The following ZNF407 variants were observed in gnomAD, a reference collection of about 807,000 sequenced individuals.
ZNF407 encodes the protein zinc finger protein 407.
ZNF407 carries 17 observed loss-of-function variants against 131.2 expected under a neutral mutation model. The observed-to-expected ratio is 0.13, with a 90% CI of 0.09 to 0.19. ZNF407 has a LOEUF of 0.19. ZNF407 is among the 10% of genes least tolerant of loss of function. ZNF407 has a pLI of 1.00. For missense variants in ZNF407, 2,681 were observed against 2,830.6 expected (o/e 0.95, Z 1.20); for synonymous variants, 1,156 against 1,062.0 (o/e 1.09, Z -1.72).
chr18:74,598,460 C>T (rs970271845), intron 1 of ZNF407: 1 of 152,354 alleles, frequency 6.6e-6, no homozygotes, highest in Admixed American at 6.5e-5. Context: ...AGATGCTCCC[C>T]TAGCTGCACA....
chr18:74,698,421 G>A (rs1164610873), intron 3 of ZNF407, among the ~76,000 whole-genome samples: 1 of 152,188 alleles, frequency 6.6e-6, no homozygotes, highest in East Asian at 1.9e-4. Context: ...TGAGCTGGTT[G>A]TATGTATAAT....
intron 4 of ZNF407, among the ~76,000 whole-genome samples, chr18:74,799,133 C>T (rs1297021535): frequency 6.6e-6 from 1 of 152,008 alleles, no homozygotes; most frequent in Non-Finnish European, 1.5e-5. Flanking sequence ...TTTAGGTTGA[C>T]TAATATTGTA....
In ZNF407 at chr18:74,644,644, A is replaced by G. The variant is rs117393331; in HGVS notation, c.4802+3522A>G. On this transcript the variant is annotated intron_variant, in intron 3 of 8. Coordinates refer to ENST00000299687, the MANE Select transcript of ZNF407 (RefSeq NM_017757.3). The stretch of plus-strand genomic sequence containing the variant: ...GTGGTCTAATAAATAGCCTTGATTA[A>G]CTTTTATCTCACTTGTTGATTTCCA... Among the ~76,000 whole-genome samples, 206 of 152,006 alleles carry G rather than the reference A, an allele frequency of 1.4e-3. 7 individuals carry two copies. In the East Asian group the frequency reaches 0.036, roughly 26 times the overall value.
chr18:74,869,409 A>AG (rs1232413994), intron 4 of ZNF407, among the ~76,000 whole-genome samples: 1 of 152,204 alleles, frequency 6.6e-6, no homozygotes, highest in Non-Finnish European at 1.5e-5. Flanking sequence ...TACAGTTGAA[A>AG]GGGGGTAGTT....
intron 3 of ZNF407, among the ~76,000 whole-genome samples, chr18:74,688,887 G>T (rs996707791): frequency 3.3e-5 from 5 of 152,026 alleles, no homozygotes; most frequent in Admixed American, 2.6e-4. Flanking sequence ...AGAGTGCAGT[G>T]GCGCAATCTT....
chr18:74,972,922 A>G (rs540973093), intron 8 of ZNF407, among the ~76,000 whole-genome samples: 79 of 152,320 alleles, frequency 5.2e-4, no homozygotes, highest in African/African-American at 1.8e-3. Context: ...TTAAGTTGGT[A>G]TGTTTAACCA....
intron 3 of ZNF407, among the ~76,000 whole-genome samples, chr18:74,757,272 T>C (rs185559938): frequency 1.3e-5 from 2 of 152,144 alleles, no homozygotes; most frequent in Non-Finnish European, 2.9e-5. Context: ...CTTTTTTTAA[T>C]ATACAGATGT....
chr18:74,686,021 G>A (rs2144787395), intron 3 of ZNF407, among the ~76,000 whole-genome samples: 1 of 152,330 alleles, frequency 6.6e-6, no homozygotes, highest in Admixed American at 6.5e-5. Flanking sequence ...CGCTTAATAA[G>A]TAAAAAATCA....
chr18:74,601,659 G>C (rs966763799), intron 1 of ZNF407, among the ~76,000 whole-genome samples: 3 of 152,062 alleles, frequency 2.0e-5, no homozygotes, highest in Non-Finnish European at 2.9e-5. Context: ...GAGCAGGAGC[G>C]AGAGAGTGGG....
chr18:74,992,693 A>G (rs1487629727), intron 8 of ZNF407, among the ~76,000 whole-genome samples: 3 of 152,320 alleles, frequency 2.0e-5, no homozygotes, highest in East Asian at 1.9e-4. Flanking sequence ...TTTATTTGCA[A>G]TAAGGCAAGT....
At chr18:74,943,077 A>G (rs1001736173) in intron 8 of ZNF407, among the ~76,000 whole-genome samples, 1 of 151,774 alleles carries the variant, frequency 6.6e-6, no homozygotes, top group African/African-American at 2.4e-5. Flanking sequence ...CACCATGCCT[A>G]GCTGATTTTT....
intron 3 of ZNF407, among the ~76,000 whole-genome samples, chr18:74,748,973 G>A (rs1443756096): frequency 1.3e-5 from 2 of 152,108 alleles, no homozygotes; most frequent in East Asian, 3.9e-4. Context: ...ACCATAAAAA[G>A]TTCATCAAAG....
chr18:74,913,268 C>T lies in ZNF407; in HGVS notation c.5250-7246C>T, dbSNP rs564871259. On this transcript the variant is annotated intron_variant, in intron 7 of 8. Coordinates refer to ENST00000299687, the MANE Select transcript of ZNF407 (RefSeq NM_017757.3). ...CATTCTACAGGATTATTCACTGGAA[C>T]CTTGTTTATACTAGCAAATGATTGG... 3.3e-4 allele frequency among the ~76,000 whole-genome samples: 50 copies of T among 152,300 alleles called. No individual in the cohort carries two copies. The South Asian group carries it at 9.3e-3, about 28-fold the overall frequency.
At chr18:74,858,386 G>A (rs899196948) in intron 4 of ZNF407, among the ~76,000 whole-genome samples, 1 of 152,080 alleles carries the variant, frequency 6.6e-6, no homozygotes, top group Non-Finnish European at 1.5e-5. Context: ...AGATTCAGCT[G>A]ATTGTATTTA....
chr18:74,823,068 T>A (rs545925288), intron 4 of ZNF407, among the ~76,000 whole-genome samples: 1 of 152,170 alleles, frequency 6.6e-6, no homozygotes, highest in South Asian at 2.1e-4. Context: ...GCTCTCCATT[T>A]GTCTGTTGTT....
intron 3 of ZNF407, among the ~76,000 whole-genome samples, chr18:74,772,332 C>T (rs1385185140): frequency 6.6e-6 from 1 of 152,060 alleles, no homozygotes; most frequent in Non-Finnish European, 1.5e-5. Context: ...AAAAACAACC[C>T]TATAAATCAT....
chr18:74,844,748 G>A (rs1164359025), intron 4 of ZNF407, among the ~76,000 whole-genome samples: 3 of 152,102 alleles, frequency 2.0e-5, no homozygotes, highest in Admixed American at 6.5e-5. Flanking sequence ...GAGAAAACAA[G>A]ATAAAATGCT....
At chr18:74,748,876 C>G (rs1056434796) in intron 3 of ZNF407, among the ~76,000 whole-genome samples, 1 of 152,164 alleles carries the variant, frequency 6.6e-6, no homozygotes. Context: ...CGTTGTGTCA[C>G]TGTGTGTTAT....
chr18:75,013,735 CT>C (rs1973010968), intron 8 of ZNF407, among the ~76,000 whole-genome samples: 1 of 152,064 alleles, frequency 6.6e-6, no homozygotes, highest in Non-Finnish European at 1.5e-5. Flanking sequence ...CATGGTACCC[CT>C]GAAGAGCTCT....
Sources: allele counts gnomAD v4.1 joint callset (sites outside exome capture counted in the v4.1 genomes callset), GRCh38; gene constraint gnomAD v4.1.1; transcripts MANE v1.5; gene names NCBI Gene and HGNC (gene_info 2026-07-23, HGNC 2026-07-21).